The following FSTL4 variants were observed in gnomAD, a reference collection of about 807,000 sequenced individuals.
FSTL4 encodes the protein follistatin like 4, also known as follistatin-related protein 4.
FSTL4 carries 28 observed loss-of-function variants against 78.2 expected under a neutral mutation model. That is an observed-to-expected ratio of 0.36 (90% CI 0.27 to 0.49). The LOEUF (loss-of-function observed/expected upper bound fraction) is 0.49, where lower values mean the gene tolerates loss of function less well. Ranked by LOEUF, FSTL4 falls within the 20% of genes least tolerant of loss-of-function variation. The pLI is 0.98. For missense variants in FSTL4, 922 were observed against 1,084.9 expected (o/e 0.85, Z 2.11); for synonymous variants, 422 against 440.5 (o/e 0.96, Z 0.53).
At chr5:133,491,086 T>C (rs1330954832) in intron 3 of FSTL4, among the ~76,000 whole-genome samples, 1 of 152,192 alleles carries the variant, frequency 6.6e-6, no homozygotes, top group Non-Finnish European at 1.5e-5. Context: ...AACCTGCACA[T>C]GTACCTCTGA....
intron 4 of FSTL4, among the ~76,000 whole-genome samples, chr5:133,359,054 C>G (rs369012104): frequency 2.6e-5 from 4 of 152,198 alleles, no homozygotes; most frequent in Non-Finnish European, 2.9e-5. Context: ...GTGCTCTTAA[C>G]CTGTTGGCAT....
chr5:133,464,133 G>A (rs1757652192), intron 3 of FSTL4, among the ~76,000 whole-genome samples: 1 of 152,182 alleles, frequency 6.6e-6, no homozygotes, highest in African/African-American at 2.4e-5. Flanking sequence ...TAGAAGCTCT[G>A]CTTCTGAGAT....
chr5:133,222,123 T>G (rs2126789700), intron 11 of FSTL4, among the ~76,000 whole-genome samples: 1 of 148,810 alleles, frequency 6.7e-6, no homozygotes, highest in East Asian at 1.9e-4. Context: ...GGGCTGACTC[T>G]ATGATAAACC....
At chr5:133,203,241 T>C (rs918538739) in intron 14 of FSTL4, among the ~76,000 whole-genome samples, 2 of 152,114 alleles carry the variant, frequency 1.3e-5, no homozygotes, top group African/African-American at 4.8e-5. Flanking sequence ...CTAATCATGA[T>C]ATTGTGGCCA....
the FSTL4 span, among the ~76,000 whole-genome samples, chr5:133,814,282 C>A: frequency 3.3e-5 from 5 of 152,156 alleles, no homozygotes; most frequent in Non-Finnish European, 7.3e-5. Flanking sequence ...GTGCATCCTC[C>A]GGTTGGAGGT....
chr5:133,203,157 C>A (rs962774703), intron 14 of FSTL4, among the ~76,000 whole-genome samples: 1 of 152,200 alleles, frequency 6.6e-6, no homozygotes, highest in Non-Finnish European at 1.5e-5. Flanking sequence ...TTACAGGCCC[C>A]GAGAAGCCCA....
chr5:133,684,928 A>G, the FSTL4 span, among the ~76,000 whole-genome samples: 3 of 152,150 alleles, frequency 2.0e-5, no homozygotes, highest in Non-Finnish European at 4.4e-5. Context: ...AGCTCCAGGG[A>G]TTGAGATGTA....
chr5:133,615,053 C>T (rs1242566783), upstream of FSTL4, among the ~76,000 whole-genome samples: 1 of 152,198 alleles, frequency 6.6e-6, no homozygotes, highest in African/African-American at 2.4e-5. Context: ...TTTCAGATTA[C>T]ACCTGCATAT....
chr5:133,830,219 AGAGGGGTGT>A, the FSTL4 span, among the ~76,000 whole-genome samples: 3 of 152,248 alleles, frequency 2.0e-5, no homozygotes, highest in Non-Finnish European at 4.4e-5. Context: ...TGAAAGGATC[AGAGGGGTGT>A]GAGATCTGGA....
chr5:133,562,963 G>A (rs1759951342), intron 3 of FSTL4, among the ~76,000 whole-genome samples: 2 of 152,120 alleles, frequency 1.3e-5, no homozygotes, highest in South Asian at 4.2e-4. Context: ...GAAAGGTAAG[G>A]GTGGCACCTT....
chr5:133,400,323 G>A (rs958099127), intron 4 of FSTL4, among the ~76,000 whole-genome samples: 4 of 152,180 alleles, frequency 2.6e-5, no homozygotes, highest in East Asian at 3.8e-4. Flanking sequence ...AAGACATTGC[G>A]CTGGTGTCTG....
intron 3 of FSTL4, among the ~76,000 whole-genome samples, chr5:133,461,806 A>T (rs1350114203): frequency 6.6e-6 from 1 of 152,216 alleles, no homozygotes; most frequent in East Asian, 1.9e-4. Flanking sequence ...AGTTATCTTC[A>T]TTTGAGAACT....
the FSTL4 span, among the ~76,000 whole-genome samples, chr5:133,817,108 T>C: frequency 4.3e-4 from 66 of 152,392 alleles, no homozygotes; most frequent in Non-Finnish European, 2.5e-4. Context: ...AACTCTCATG[T>C]GTTGATGTTC....
the FSTL4 span, among the ~76,000 whole-genome samples, chr5:133,777,678 C>G: frequency 1.3e-5 from 2 of 152,124 alleles, no homozygotes; most frequent in Non-Finnish European, 2.9e-5. Context: ...ATTCTGCAAC[C>G]TCACTTTTTT....
the FSTL4 span, among the ~76,000 whole-genome samples, chr5:133,797,900 G>A: frequency 1.3e-5 from 2 of 152,110 alleles, no homozygotes; most frequent in Non-Finnish European, 2.9e-5. Flanking sequence ...TCTCAAGTCA[G>A]TCTGCTCTAA....
the FSTL4 span, among the ~76,000 whole-genome samples, chr5:133,709,000 C>T: frequency 6.6e-6 from 1 of 152,180 alleles, no homozygotes; most frequent in Non-Finnish European, 1.5e-5. Flanking sequence ...TAAATATCAC[C>T]TATTATGACT....
chr5:133,224,690 C>T (rs1394201537), intron 10 of FSTL4, among the ~76,000 whole-genome samples: 1 of 152,190 alleles, frequency 6.6e-6, no homozygotes, highest in Non-Finnish European at 1.5e-5. Flanking sequence ...TGCAGGCCTA[C>T]CTGGGGAGCA....
intron 4 of FSTL4, among the ~76,000 whole-genome samples, chr5:133,333,219 AG>A (rs756697847): frequency 6.6e-6 from 1 of 152,202 alleles, no homozygotes; most frequent in Non-Finnish European, 1.5e-5. Flanking sequence ...GCCCAGGAGC[AG>A]GGATAAAGGT....
chr5:133,370,041 C>G (rs914337324), intron 4 of FSTL4, among the ~76,000 whole-genome samples: 4 of 152,044 alleles, frequency 2.6e-5, no homozygotes, highest in African/African-American at 4.8e-5. Flanking sequence ...CTACTGGATT[C>G]CAATCCCCCT....
Sources: gnomAD v4.1 joint callset for allele counts (sites outside exome capture counted in the v4.1 genomes callset) on GRCh38, gnomAD v4.1.1 for gene constraint, MANE v1.5 for transcripts, NCBI Gene and HGNC (gene_info 2026-07-23, HGNC 2026-07-21) for gene names.